The following ZNF383 variants were observed in gnomAD, a reference collection of about 807,000 sequenced individuals.
ZNF383 encodes zinc finger protein 383.
Under a neutral mutation model 44.2 loss-of-function variants are expected in ZNF383, and 32 were observed. That is an observed-to-expected ratio of 0.72 (90% CI 0.55 to 0.97). The LOEUF is 0.97. Ranked by LOEUF, ZNF383 falls within the 50% of genes least tolerant of loss-of-function variation. The pLI, the probability that ZNF383 is intolerant of heterozygous loss-of-function variation, is 0.00. For synonymous variants in ZNF383, 155 were observed against 186.2 expected (o/e 0.83, Z 1.36); for missense variants, 487 against 562.5 (o/e 0.87, Z 1.36).
intron 5 of ZNF383, among the ~76,000 whole-genome samples, chr19:37,241,277 C>T (rs1320653311): frequency 6.6e-6 from 1 of 152,156 alleles, no homozygotes; most frequent in Admixed American, 6.6e-5. Flanking sequence ...TGGGAGTCCC[C>T]CGGCTACCTG....
intron 1 of ZNF383, among the ~76,000 whole-genome samples, chr19:37,223,891 C>T (rs1396367464): frequency 6.6e-6 from 1 of 151,808 alleles, no homozygotes; most frequent in Non-Finnish European, 1.5e-5. Flanking sequence ...AAAAAGTAGC[C>T]AGGTATGGTG....
rs1352299783 is a variant in ZNF383, at chr19:37,243,018, A to G, written c.782A>G (p.Lys261Arg). The G allele has an allele frequency of 5.0e-6, 8 of 1,614,044 alleles. No individual in the cohort carries two copies. Among genetic ancestry groups the G allele is most frequent in the Non-Finnish European group, 6.8e-6 (8 of 1,180,028 alleles). ...CCCTATGAATGTAAGGAATGTGGGA[A>G]GGCCTTTAGTTATTGCTCAAATCTT... ...KKPYECKECG[K>R]AFSYCSNLID... The change falls in exon 6 of 6, where the codon AAG (lysine) becomes AGG (arginine). Residue 261 changes from lysine (K) to arginine (R), a missense_variant. Coordinates refer to ENST00000684119, the MANE Select transcript of ZNF383 (RefSeq NM_001387601.1).
At chr19:37,232,091 T>A (rs927919097) in intron 3 of ZNF383, among the ~76,000 whole-genome samples, 14 of 152,026 alleles carry the variant, frequency 9.2e-5, no homozygotes, top group Non-Finnish European at 1.5e-4. Flanking sequence ...GTTTTTTTTT[T>A]TTGAGACGGA....
At chr19:37,219,000 G>T (rs1972797051) in intron 1 of ZNF383, among the ~76,000 whole-genome samples, 1 of 152,102 alleles carries the variant, frequency 6.6e-6, no homozygotes, top group Admixed American at 6.6e-5. Flanking sequence ...AAATATGCTA[G>T]TGTAACTTAT....
chr19:37,243,516 G>A lies in ZNF383; in HGVS notation c.1280G>A (p.Cys427Tyr). Residue 427 changes from cysteine to tyrosine, a missense_variant, in exon 6 of 6, where the codon TGT becomes TAT. Coordinates refer to ENST00000684119, the MANE Select transcript of ZNF383 (RefSeq NM_001387601.1). ...GAAAAACCATATGAATGTAATGAAT[G>A]TGGAAAGGCCTTTAATAAATGCTCA... The part of the protein sequence containing the change: ...TDEKPYECNE[C>Y]GKAFNKCSNL... 9 of 1,614,118 alleles carry A rather than the reference G, an allele frequency of 5.6e-6. No homozygotes were observed. The highest frequency in any genetic ancestry group is 7.6e-6 in the Non-Finnish European group (9 of 1,180,012).
chr19:37,240,359 A>G (rs1974025966), intron 5 of ZNF383, among the ~76,000 whole-genome samples: 1 of 152,192 alleles, frequency 6.6e-6, no homozygotes, highest in Admixed American at 6.5e-5. Context: ...AAACATGTAT[A>G]TACATTTTCC....
At position 37,235,682 on chromosome 19, in the gene ZNF383, G is replaced by T. The variant is rs200840249; in HGVS notation, c.136+7G>T. The T allele has an allele frequency of 1.7e-5, 27 of 1,597,936 alleles. No individual in the cohort carries two copies. The Middle Eastern group carries it at 5.0e-4, about 30-fold the overall frequency. Reference sequence around the variant, plus strand: ...GGCAATCTGGTTTCAATGGGTAAGGGCATCTGTACCAGTGATTCCCAGTTC... The same window carrying T: ...GGCAATCTGGTTTCAATGGGTAAGGTCATCTGTACCAGTGATTCCCAGTTC... On this transcript the variant is annotated splice_region_variant and intron_variant, in intron 4 of 5. Coordinates refer to ENST00000684119, the MANE Select transcript of ZNF383 (RefSeq NM_001387601.1).
intron 5 of ZNF383, among the ~76,000 whole-genome samples, chr19:37,237,552 G>T (rs2145525553): frequency 6.6e-6 from 1 of 152,306 alleles, no homozygotes; most frequent in South Asian, 2.1e-4. Flanking sequence ...CACTTCTGAA[G>T]CCTACATTCT....
chr19:37,234,877 G>T (rs1291307321), intron 3 of ZNF383, among the ~76,000 whole-genome samples: 2 of 152,192 alleles, frequency 1.3e-5, no homozygotes, highest in African/African-American at 4.8e-5. Context: ...AAGACGTTCA[G>T]ACTCATCCTG....
chr19:37,240,963 T>G (rs1196346215), intron 5 of ZNF383, among the ~76,000 whole-genome samples: 2 of 152,086 alleles, frequency 1.3e-5, no homozygotes, highest in Admixed American at 1.3e-4. Flanking sequence ...CGTGCCACCA[T>G]GCCTGGCTAA....
In ZNF383 at chr19:37,243,301, T is replaced by C. The variant is rs1974230049; in HGVS notation, c.1065T>C (p.Asn355=). 5.0e-6 allele frequency: 8 copies of C among 1,613,054 alleles called. No homozygotes were observed. Among genetic ancestry groups the C allele is most frequent in the South Asian group, 1.1e-5 (1 of 90,992 alleles). The change falls in exon 6 of 6, where the codon AAT becomes AAC. Residue 355 remains asparagine, a synonymous_variant. Coordinates refer to ENST00000684119, the MANE Select transcript of ZNF383 (RefSeq NM_001387601.1). The part of the protein sequence containing the change: ...KAFSSGSALT[N]HQRIHTGEKP... ...TTAGTAGTGGCTCAGCACTTACTAATCATCAGAGAATTCACACTGGTGAGA... is the reference window on the plus strand; with the variant it reads ...TTAGTAGTGGCTCAGCACTTACTAACCATCAGAGAATTCACACTGGTGAGA...
At chr19:37,236,150 T>C in intron 5 of ZNF383, 76 bp downstream of exon 5, 1 of 1,096,060 alleles carries the variant, frequency 9.1e-7, no homozygotes, top group Non-Finnish European at 1.3e-6. Flanking sequence ...AACAGCACCT[T>C]TGAGATGTTA....
chr19:37,236,035 T>A lies in ZNF383; in HGVS notation c.193T>A (p.Trp65Arg). Residue 65 changes from tryptophan (W) to arginine (R), a missense_variant, in exon 5 of 6, where the codon TGG (tryptophan) becomes AGG (arginine). Trp to Arg is a moderately radical substitution (Grantham distance 101). Coordinates refer to ENST00000684119, the MANE Select transcript of ZNF383 (RefSeq NM_001387601.1). ...ISLLEQGKEP[W>R]MVGRELTRGL... Reference sequence around the variant, plus strand: ...CTTATTGGAACAAGGGAAAGAGCCCTGGATGGTTGGCAGAGAGCTTACAAG... The same window carrying A: ...CTTATTGGAACAAGGGAAAGAGCCCAGGATGGTTGGCAGAGAGCTTACAAG... 1 of 1,613,724 alleles carries A rather than the reference T, an allele frequency of 6.2e-7. No individual in the cohort carries two copies. The highest frequency in any genetic ancestry group is 1.1e-5 in the South Asian group (1 of 91,048).
chr19:37,236,380 A>ACT (rs914139241), intron 5 of ZNF383, among the ~76,000 whole-genome samples: 2 of 149,328 alleles, frequency 1.3e-5, no homozygotes, highest in Non-Finnish European at 3.0e-5. Flanking sequence ...AGCTTTTTTT[A>ACT]CTCTCTCTCT....
At position 37,242,846 on chromosome 19, in the gene ZNF383, G is replaced by T. The variant is rs929638695; in HGVS notation, c.610G>T (p.Gly204Trp). ...AAAATCTTATGAATGTAAAGAGTGT[G>T]GGAAATTCTTTAGTTGTGGTTCACA... Reference protein sequence around the residue: ...GEKSYECKECGKFFSCGSHVT... With the variant: ...GEKSYECKECWKFFSCGSHVT... Residue 204 changes from glycine to tryptophan, a missense_variant, in exon 6 of 6, where the codon GGG (glycine) becomes TGG (tryptophan). Physicochemically the swap from Gly to Trp is radical, Grantham distance 184. Transcript: ENST00000684119. 3 of 1,613,796 alleles carry T rather than the reference G, an allele frequency of 1.9e-6. No individual in the cohort carries two copies. Among genetic ancestry groups the T allele is most frequent in the Non-Finnish European group, 2.5e-6 (3 of 1,179,888 alleles).
chr19:37,248,072 A>C lies in ZNF383; in HGVS notation c.*4408A>C, dbSNP rs1265245530. 6.6e-6 allele frequency: 1 copy of C among 152,184 alleles called. No individual in the cohort carries two copies. Among genetic ancestry groups the C allele is most frequent in the Non-Finnish European group, 1.5e-5 (1 of 68,036 alleles). The allele number at this position is 152,184 out of a possible 1,614,324, so 9.4% of individuals were successfully genotyped here. On this transcript the variant is annotated 3_prime_UTR_variant, in exon 6 of 6. Coordinates refer to ENST00000684119, the MANE Select transcript of ZNF383 (RefSeq NM_001387601.1). Reference sequence around the variant, plus strand: ...AAAGGCTTGAACCCGGGAGGCAGAGATTGCGGTGAGCGGGGATCATGCCAT... The same window carrying C: ...AAAGGCTTGAACCCGGGAGGCAGAGCTTGCGGTGAGCGGGGATCATGCCAT...
At chr19:37,222,685 A>C (rs1972982137) in intron 1 of ZNF383, among the ~76,000 whole-genome samples, 1 of 152,166 alleles carries the variant, frequency 6.6e-6, no homozygotes, top group African/African-American at 2.4e-5. Context: ...GCCGAATATA[A>C]CACATTTTAC....
At chr19:37,227,191 C>T (rs1259262261) in intron 2 of ZNF383, among the ~76,000 whole-genome samples, 6 of 148,064 alleles carry the variant, frequency 4.1e-5, no homozygotes, top group African/African-American at 1.3e-4. Flanking sequence ...CTCGGCTCAC[C>T]GCAACCTCCG....
At chr19:37,220,239 T>C (rs534733279) in intron 1 of ZNF383, among the ~76,000 whole-genome samples, 31 of 152,348 alleles carry the variant, frequency 2.0e-4, no homozygotes, top group African/African-American at 6.3e-4. Context: ...CTTTTCTTTT[T>C]TTTTCTTGAG....
Sources: allele counts gnomAD v4.1 joint callset (sites outside exome capture counted in the v4.1 genomes callset), GRCh38; gene constraint gnomAD v4.1.1; transcripts MANE v1.5; gene names NCBI Gene and HGNC (gene_info 2026-07-23, HGNC 2026-07-21).